XPO5: variants seen among roughly 807,000 people sequenced by gnomAD.
The protein encoded by XPO5 is exportin 5.
Under a neutral mutation model 160.6 loss-of-function variants are expected in XPO5, and 46 were observed. The ratio of observed to expected loss-of-function variants is 0.29; its 90% CI spans 0.23 to 0.37. The LOEUF is 0.37. XPO5 is among the 10% of genes least tolerant of loss of function. XPO5 has a pLI of 1.00. For missense variants in XPO5, 1,090 were observed against 1,463.9 expected, an observed-to-expected ratio of 0.74 and a Z score of 4.17; for synonymous variants, 537 against 519.3, an observed-to-expected ratio of 1.03 and a Z score of -0.46.
At chr6:43,546,193 C>T (rs1794956509) in intron 20 of XPO5, among the ~76,000 whole-genome samples, 1 of 152,076 alleles carries the variant, frequency 6.6e-6, no homozygotes, top group African/African-American at 2.4e-5. Flanking sequence ...TGAATACCAC[C>T]TAGACAAGCA....
At position 43,523,964 on chromosome 6, in the gene XPO5, C is replaced by A; in HGVS notation, c.3519G>T (p.Lys1173Asn). The A allele has an allele frequency of 6.2e-7, 1 of 1,613,896 alleles. No homozygotes were observed. The highest frequency in any genetic ancestry group is 8.5e-7 in the Non-Finnish European group (1 of 1,179,888). ...TTTTTTTGAAAAGTGAGGGAAGATTCTTAATGTGAACTTCTTTTCGGAACT... is the reference window on the plus strand; with the variant it reads ...TTTTTTTGAAAAGTGAGGGAAGATTATTAATGTGAACTTCTTTTCGGAACT... ...GEQFRKEVHIKNLPSLFKKTK... is the reference protein window; with the variant it reads ...GEQFRKEVHINNLPSLFKKTK... Residue 1173 changes from lysine (K) to asparagine (N), a missense_variant, in exon 32 of 32, where the codon AAG becomes AAT. Lys to Asn is a moderately conservative substitution (Grantham distance 94, BLOSUM62 0). Coordinates refer to ENST00000265351, the MANE Select transcript of XPO5 (RefSeq NM_020750.3).
At position 43,524,977 on chromosome 6, in the gene XPO5, A is replaced by C. The variant is rs562340593; in HGVS notation, c.3175-9T>G. ...AGTGTCCCTGACAGCACCTGGGGAG[A>C]CAACTGTGCTTTAGGGCCACAGGGG... On this transcript the variant is annotated splice_polypyrimidine_tract_variant and intron_variant, in intron 29 of 31. Coordinates refer to ENST00000265351, the MANE Select transcript of XPO5 (RefSeq NM_020750.3). 1.2e-6 allele frequency: 2 copies of C among 1,612,396 alleles called. No individual in the cohort carries two copies. Among genetic ancestry groups the C allele is most frequent in the Admixed American group, 3.3e-5 (2 of 59,874 alleles).
chr6:43,536,576 T>G (rs1794337735), intron 20 of XPO5, among the ~76,000 whole-genome samples: 1 of 151,752 alleles, frequency 6.6e-6, no homozygotes, highest in South Asian at 2.1e-4. Flanking sequence ...CTGGCCAACA[T>G]GGTGAAACCC....
chr6:43,568,261 C>G (rs1269974374), intron 6 of XPO5, among the ~76,000 whole-genome samples: 1 of 152,026 alleles, frequency 6.6e-6, no homozygotes, highest in Non-Finnish European at 1.5e-5. Context: ...GAGCCGAGAT[C>G]GCGCCACTGC....
rs1402432828 is a variant in XPO5 at position 43,523,368 on chromosome 6, C to T, written c.*500G>A. ...CACTTAGCACCTAACCCAGACATGC[C>T]CCTTAGGGAGTGGGGAAAGTTTCCT... On this transcript the variant is annotated 3_prime_UTR_variant, in exon 32 of 32. Coordinates refer to ENST00000265351, the MANE Select transcript of XPO5 (RefSeq NM_020750.3). 6.8e-6 allele frequency: 2 copies of T among 295,280 alleles called. No homozygotes were observed. Among genetic ancestry groups the T allele is most frequent in the Non-Finnish European group, 1.3e-5 (2 of 150,884 alleles). 18.3% of individuals were successfully genotyped at this position (295,280 alleles called of 1,614,324 possible). A position where few individuals can be genotyped will look rare whatever the true frequency, so the allele number is the denominator to read the frequency against.
At chr6:43,562,075 C>CA (rs1249982580) in intron 9 of XPO5, 172 bp downstream of exon 9, 4 of 498,216 alleles carry the variant, frequency 8.0e-6, no homozygotes, top group African/African-American at 7.9e-5. Flanking sequence ...TTAGATCACT[C>CA]AAACACTATT....
chr6:43,575,850 T>C lies in XPO5; in HGVS notation c.15A>G (p.Gln5=). MAMD[Q]VNALCEQLVK... is the part of the protein sequence containing the mutation. ...CCAGCTGCTCGCACAGCGCGTTTACTTGATCCATCGCCATGCCTAGCGCCA... is the reference window on the plus strand; with the variant it reads ...CCAGCTGCTCGCACAGCGCGTTTACCTGATCCATCGCCATGCCTAGCGCCA... The change falls in exon 1 of 32, where the codon CAA becomes CAG. Residue 5 remains glutamine (Q), a synonymous_variant. Transcript: ENST00000265351. 1 of 1,613,764 alleles carries C rather than the reference T, an allele frequency of 6.2e-7. No homozygotes were observed. The highest frequency in any genetic ancestry group is 8.5e-7 in the Non-Finnish European group (1 of 1,179,752).
At chr6:43,543,811 G>C (rs1397410430) in intron 20 of XPO5, among the ~76,000 whole-genome samples, 1 of 151,848 alleles carries the variant, frequency 6.6e-6, no homozygotes, top group Non-Finnish European at 1.5e-5. Flanking sequence ...CGAGTAGCTG[G>C]GATTACAGGC....
Position 43,553,390 on chromosome 6 carries a change from G to T in XPO5, c.1555C>A (p.Arg519=). Residue 519 remains arginine, a synonymous_variant, in exon 14 of 32, where the codon CGA becomes AGA. Coordinates refer to ENST00000265351, the MANE Select transcript of XPO5 (RefSeq NM_020750.3). ...FLESVITQMF[R]TLNREEIPVN... ...TTACTTACTTCTCTATTTAGTGTTC[G>T]AAACATCTGGGTGATAACACTTTCC... 1 of 1,608,308 alleles carries T rather than the reference G, an allele frequency of 6.2e-7. No homozygotes were observed. Among genetic ancestry groups the T allele is most frequent in the Non-Finnish European group, 8.5e-7 (1 of 1,177,292 alleles).
intron 6 of XPO5, among the ~76,000 whole-genome samples, chr6:43,568,083 C>T (rs937347826): frequency 2.7e-5 from 4 of 150,520 alleles, no homozygotes; most frequent in Admixed American, 6.6e-5. Flanking sequence ...CTGAGGAGGG[C>T]GGATGATGAG....
intron 17 of XPO5, 104 bp from the exon 18 acceptor site, chr6:43,548,564 A>G: frequency 9.6e-7 from 1 of 1,046,414 alleles, no homozygotes; most frequent in Non-Finnish European, 1.3e-6. Flanking sequence ...AGTCCCAGGA[A>G]AGTCAGGCCT....
At chr6:43,529,162 CA>C (rs1287932961) in intron 23 of XPO5, 18 of 1,454,744 alleles carry the variant, frequency 1.2e-5, no homozygotes, top group Non-Finnish European at 1.6e-5. Context: ...ACATTATGGT[CA>C]CTGGCCCAAA....
At chr6:43,526,281 A>T in intron 27 of XPO5, 1 of 364,122 alleles carries the variant, frequency 2.7e-6, no homozygotes, top group Non-Finnish European at 5.1e-6. Flanking sequence ...ACATTCTAAC[A>T]TGGGAGATAG....
In XPO5 at chr6:43,551,437, T is replaced by A; in HGVS notation, c.1589A>T (p.Asp530Val). The stretch of plus-strand genomic sequence containing the variant: ...AACCATCTGCAATAGCTCTATTCCA[T>A]CATTAACAGGAATTTCCTGTAACAA... ...TLNREEIPVN[D>V]GIELLQMVLN... Residue 530 changes from aspartate to valine, a missense_variant, in exon 15 of 32, where the codon GAT (aspartate) becomes GTT (valine). Physicochemically the swap from Asp to Val is radical, Grantham distance 152 (BLOSUM62 -3). Coordinates refer to ENST00000265351, the MANE Select transcript of XPO5 (RefSeq NM_020750.3). 1 of 1,612,708 alleles carries A rather than the reference T, an allele frequency of 6.2e-7. No individual in the cohort carries two copies. The highest frequency in any genetic ancestry group is 8.5e-7 in the Non-Finnish European group (1 of 1,179,570).
At chr6:43,525,296 G>A in intron 28 of XPO5, 82 bp from the exon 29 acceptor site, 2 of 1,366,070 alleles carry the variant, frequency 1.5e-6, no homozygotes, top group Admixed American at 2.4e-5. Flanking sequence ...GGAGCCGGAG[G>A]GTTTTTTTTT....
chr6:43,557,132 A>C (rs1290328261), intron 12 of XPO5, among the ~76,000 whole-genome samples: 1 of 149,716 alleles, frequency 6.7e-6, no homozygotes, highest in Admixed American at 6.7e-5. Context: ...CATCTCAAAA[A>C]AAAAAAAAAA....
At chr6:43,536,611 T>C (rs972898684) in intron 20 of XPO5, among the ~76,000 whole-genome samples, 15 of 151,460 alleles carry the variant, frequency 9.9e-5, no homozygotes, top group South Asian at 2.1e-4. Flanking sequence ...ATACAGAAAT[T>C]AGCCAGGCAT....
chr6:43,545,371 G>C (rs978442382), intron 20 of XPO5, among the ~76,000 whole-genome samples: 5 of 152,052 alleles, frequency 3.3e-5, no homozygotes, highest in South Asian at 2.1e-4. Flanking sequence ...TGGAGAAGGG[G>C]CCAAAAAGTA....
intron 28 of XPO5, chr6:43,525,431 C>T: frequency 1.8e-6 from 1 of 551,258 alleles, no homozygotes; most frequent in Non-Finnish European, 3.2e-6. Context: ...TGCCACCATG[C>T]CTGGCTTAGG....
Sources: gnomAD v4.1 joint callset for allele counts (sites outside exome capture counted in the v4.1 genomes callset) on GRCh38, gnomAD v4.1.1 for gene constraint, MANE v1.5 for transcripts, NCBI Gene and HGNC (gene_info 2026-07-23, HGNC 2026-07-21) for gene names.